The following TTC7B variants were observed in gnomAD, a reference collection of about 807,000 sequenced individuals.
The protein encoded by TTC7B is tetratricopeptide repeat domain 7B.
Under a neutral mutation model 106.8 loss-of-function variants are expected in TTC7B, and 28 were observed. That is an observed-to-expected ratio of 0.26 (90% CI 0.19 to 0.36). The LOEUF (loss-of-function observed/expected upper bound fraction) is 0.36, where lower values mean the gene tolerates loss of function less well. Among genes scored for constraint, TTC7B ranks in the 10% least tolerant of loss-of-function variants. The pLI is 1.00. For synonymous variants in TTC7B, 405 were observed against 430.6 expected, an observed-to-expected ratio of 0.94 and a Z score of 0.74; for missense variants, 862 against 1,076.4, an observed-to-expected ratio of 0.80 and a Z score of 2.79.
At position 90,531,597 on chromosome 14, in the gene TTC7B, C is replaced by A. The variant is rs956457093; in HGVS notation, c.*9771G>T. 2 of 118,384 alleles carry A rather than the reference C, an allele frequency of 1.7e-5. No homozygotes were observed. Among genetic ancestry groups the A allele is most frequent in the Non-Finnish European group, 3.2e-5 (2 of 61,940 alleles). The allele number at this position is 118,384 out of a possible 1,614,324, so 7.3% of individuals were successfully genotyped here. On this transcript the variant is annotated 3_prime_UTR_variant, in exon 20 of 20. Coordinates refer to ENST00000328459, the MANE Select transcript of TTC7B (RefSeq NM_001010854.2). ...TTGTGCCATTGCGCTCCAGCCTGGACAACAAGAGCGAAACTCCTTCTCAAA... is the reference window on the plus strand; with the variant it reads ...TTGTGCCATTGCGCTCCAGCCTGGAAAACAAGAGCGAAACTCCTTCTCAAA...
Position 90,539,162 on chromosome 14 carries a change from T to TGG in TTC7B, c.*2204_*2205dup, listed in dbSNP as rs1166759053. ...CCCATGTGTCCATCCTTGAGCCATG[T>TGG]GGGTGGAGAGTGGGGGTGGTTCCCT... On this transcript the variant is annotated 3_prime_UTR_variant, in exon 20 of 20. Coordinates refer to ENST00000328459, the MANE Select transcript of TTC7B (RefSeq NM_001010854.2). The TGG allele has an allele frequency of 1.3e-5, 2 of 152,284 alleles. No individual in the cohort carries two copies. The highest frequency in any genetic ancestry group is 2.4e-5 in the African/African-American group (1 of 41,426). 9.4% of individuals were successfully genotyped at this position (152,284 alleles called of 1,614,324 possible).
At position 90,710,058 on chromosome 14, in the gene TTC7B, A is replaced by G. The variant is rs908798833; in HGVS notation, c.699-14480T>C. On this transcript the variant is annotated intron_variant, in intron 5 of 19. Coordinates refer to ENST00000328459, the MANE Select transcript of TTC7B (RefSeq NM_001010854.2). Reference sequence around the variant, plus strand: ...ATTTTGGATAAACTTTTCTACTTGAAAAAAAAAAAAAAAGAAAACCTCTGG... The same window carrying G: ...ATTTTGGATAAACTTTTCTACTTGAGAAAAAAAAAAAAAGAAAACCTCTGG... Among the ~76,000 whole-genome samples, 433 of 147,044 alleles carry G rather than the reference A, an allele frequency of 2.9e-3. 4 individuals carry two copies. Among genetic ancestry groups the G allele is most frequent in the African/African-American group, 0.01 (424 of 40,676 alleles).
intron 3 of TTC7B, among the ~76,000 whole-genome samples, chr14:90,776,840 A>C (rs1891045604): frequency 1.3e-5 from 2 of 152,164 alleles, no homozygotes; most frequent in Admixed American, 1.3e-4. Context: ...ACCACTTCCT[A>C]GCTGTAGGAC....
At chr14:90,713,134 G>A (rs1888513499) in intron 5 of TTC7B, among the ~76,000 whole-genome samples, 1 of 151,298 alleles carries the variant, frequency 6.6e-6, no homozygotes, top group Non-Finnish European at 1.5e-5. Context: ...CCTTTTTTTT[G>A]AGACGGAGAC....
chr14:90,711,311 G>A (rs920318463), intron 5 of TTC7B, among the ~76,000 whole-genome samples: 10 of 152,110 alleles, frequency 6.6e-5, no homozygotes, highest in African/African-American at 9.7e-5. Context: ...CAAAGAAGAC[G>A]GGGGAAATGA....
At chr14:90,632,951 T>G (rs962690844) in intron 15 of TTC7B, among the ~76,000 whole-genome samples, 3 of 152,228 alleles carry the variant, frequency 2.0e-5, no homozygotes, top group African/African-American at 7.2e-5. Context: ...TGAATGAATG[T>G]TATATATGTT....
At chr14:90,646,817 T>C in intron 14 of TTC7B, 134 bp downstream of exon 14, 1 of 831,018 alleles carries the variant, frequency 1.2e-6, no homozygotes, top group Admixed American at 2.1e-5. Context: ...CTGAAACCTC[T>C]GAGAAGGGTT....
intron 3 of TTC7B, among the ~76,000 whole-genome samples, chr14:90,756,064 C>T (rs145872869): frequency 2.0e-5 from 3 of 152,342 alleles, no homozygotes; most frequent in Non-Finnish European, 4.4e-5. Context: ...CACAACCTTA[C>T]TAACACATGA....
At chr14:90,804,259 G>A (rs924506133) in intron 1 of TTC7B, among the ~76,000 whole-genome samples, 12 of 152,050 alleles carry the variant, frequency 7.9e-5, no homozygotes, top group Admixed American at 4.6e-4. Context: ...GCGTGAACCC[G>A]GGAGGCGGAG....
chr14:90,639,007 A>T (rs1204497479), intron 15 of TTC7B, among the ~76,000 whole-genome samples: 1 of 152,226 alleles, frequency 6.6e-6, no homozygotes, highest in Admixed American at 6.5e-5. Flanking sequence ...CTATGGGGAA[A>T]ATCACATTGG....
intron 15 of TTC7B, among the ~76,000 whole-genome samples, chr14:90,640,149 C>G (rs1011649324): frequency 2.6e-5 from 4 of 152,038 alleles, no homozygotes; most frequent in Non-Finnish European, 5.9e-5. Context: ...TATGGTGGCA[C>G]ACGCCTGTGC....
chr14:90,736,133 G>A (rs1165529772), intron 4 of TTC7B, among the ~76,000 whole-genome samples: 1 of 150,386 alleles, frequency 6.6e-6, no homozygotes, highest in Non-Finnish European at 1.5e-5. Context: ...TTTTAATTGA[G>A]AAAAATTAAT....
chr14:90,714,235 AAAG>A (rs1452492529), intron 5 of TTC7B, among the ~76,000 whole-genome samples: 2 of 151,868 alleles, frequency 1.3e-5, no homozygotes, highest in Non-Finnish European at 2.9e-5. Context: ...TGTCTCAAAA[AAAG>A]AAAAAAAAAG....
chr14:90,525,463 T>G lies in TTC7B; in HGVS notation c.*15905A>C, dbSNP rs1015732932. The stretch of plus-strand genomic sequence containing the variant: ...GCCACTGCCGCTGCTGCGTGTCCCT[T>G]TCTGAGGCCTCGGACCGCACCGCTT... On this transcript the variant is annotated 3_prime_UTR_variant, in exon 20 of 20. Coordinates refer to ENST00000328459, the MANE Select transcript of TTC7B (RefSeq NM_001010854.2). 7.0e-6 allele frequency: 1 copy of G among 143,722 alleles called. No individual in the cohort carries two copies. Among genetic ancestry groups the G allele is most frequent in the Non-Finnish European group, 1.5e-5 (1 of 64,890 alleles). 8.9% of individuals were successfully genotyped at this position (143,722 alleles called of 1,614,324 possible). A position where few individuals can be genotyped will look rare whatever the true frequency, so the allele number is the denominator to read the frequency against.
At chr14:90,632,655 T>C (rs1321804269) in intron 15 of TTC7B, among the ~76,000 whole-genome samples, 1 of 152,218 alleles carries the variant, frequency 6.6e-6, no homozygotes, top group Non-Finnish European at 1.5e-5. Flanking sequence ...AGAAACTCAA[T>C]GCTTCAAAGT....
rs1451394548 is a variant in TTC7B, at chr14:90,657,103, G to A, written c.1341+71C>T. The A allele has an allele frequency of 3.1e-6, 4 of 1,301,478 alleles. No homozygotes were observed. The highest frequency in any genetic ancestry group is 2.3e-5 in the East Asian group (1 of 43,312). The allele number at this position is 1,301,478 out of a possible 1,614,324, so 80.6% of individuals were successfully genotyped here. ...CACCCTCGCTTTCTCTCTGTGCCTC[G>A]ACATGAAAAAAATGGGCAGTCCTGG... On this transcript the variant is annotated intron_variant, in intron 11 of 19. Coordinates refer to ENST00000328459, the MANE Select transcript of TTC7B (RefSeq NM_001010854.2). This position sits in a 1 kb window ranked among gnomAD's most constrained non-coding sequence, Gnocchi z 4.2.
intron 2 of TTC7B, among the ~76,000 whole-genome samples, chr14:90,782,033 A>T: frequency 6.6e-6 from 1 of 152,220 alleles, no homozygotes; most frequent in East Asian, 1.9e-4. Context: ...AAACCGCACT[A>T]TTTATACTGT....
chr14:90,594,889 C>T (rs1479253336), intron 17 of TTC7B, among the ~76,000 whole-genome samples: 2 of 152,114 alleles, frequency 1.3e-5, no homozygotes, highest in African/African-American at 2.4e-5. Flanking sequence ...AACATGGATG[C>T]TTCTAAATGC....
chr14:90,645,781 C>T (rs935085464), intron 14 of TTC7B, among the ~76,000 whole-genome samples: 5 of 152,206 alleles, frequency 3.3e-5, no homozygotes, highest in African/African-American at 9.6e-5. Context: ...AAGCTGGTTC[C>T]TTCATTTAGC....
Sources: gnomAD v4.1 joint callset for allele counts (sites outside exome capture counted in the v4.1 genomes callset) on GRCh38, gnomAD v4.1.1 for gene constraint, Gnocchi (gnomAD v3.1) non-coding constraint, MANE v1.5 for transcripts, NCBI Gene and HGNC (gene_info 2026-07-23, HGNC 2026-07-21) for gene names.